RNF38: variants seen among roughly 807,000 people sequenced by gnomAD.
RNF38 encodes the protein ring finger protein 38, also known as E3 ubiquitin-protein ligase RNF38.
RNF38 carries 15 observed loss-of-function variants against 67.2 expected under a neutral mutation model. That is an observed-to-expected ratio of 0.22 (90% CI 0.15 to 0.34). The LOEUF is 0.34. RNF38 is among the 10% of genes least tolerant of loss of function. The probability of loss-of-function intolerance (pLI) is 1.00; values close to 1 mark genes in which losing one functional copy is unlikely to be tolerated. For missense variants in RNF38, 524 were observed against 639.9 expected (o/e 0.82, Z 1.95); for synonymous variants, 220 against 218.8 (o/e 1.01, Z -0.05).
Position 36,422,452 on chromosome 9 carries a change from A to C in RNF38, n.312+2161T>G, listed in dbSNP as rs7048628. Among the ~76,000 whole-genome samples, 975 of 152,224 alleles carry C rather than the reference A, an allele frequency of 6.4e-3. 9 individuals are homozygous for C. Among genetic ancestry groups the C allele is most frequent in the African/African-American group, 0.022 (910 of 41,540 alleles). On this transcript the variant is annotated intron_variant and non_coding_transcript_variant, in intron 2 of 3. Transcript: ENST00000488058. ...AACAAAAAAAAAAAAACAGGAGAGA[A>C]AGAAAGGCTGTAATCTGTAACTTTT...
chr9:36,342,934 T>C (rs903840964), intron 10 of RNF38, among the ~76,000 whole-genome samples: 1 of 152,184 alleles, frequency 6.6e-6, no homozygotes, highest in African/African-American at 2.4e-5. Context: ...GGGGGATTGA[T>C]TTCTAGGACC....
At chr9:36,383,829 GC>G (rs1452532104) in intron 2 of RNF38, among the ~76,000 whole-genome samples, 1 of 150,800 alleles carries the variant, frequency 6.6e-6, no homozygotes, top group Non-Finnish European at 1.5e-5. Context: ...TTAAACCGAA[GC>G]CCAAAGAAAA....
chr9:36,381,080 T>A (rs1397639624), intron 2 of RNF38, among the ~76,000 whole-genome samples: 2 of 152,200 alleles, frequency 1.3e-5, no homozygotes, highest in Admixed American at 1.3e-4. Flanking sequence ...AGTGGGTTTC[T>A]CCCGTGAGAA....
chr9:36,387,517 T>A, intron 2 of RNF38, among the ~76,000 whole-genome samples: 1 of 152,294 alleles, frequency 6.6e-6, no homozygotes, highest in Admixed American at 6.5e-5. Context: ...AAGACAGGGG[T>A]TGACAGCAAA....
chr9:36,361,998 T>C (rs1341296319), intron 4 of RNF38, among the ~76,000 whole-genome samples: 1 of 152,126 alleles, frequency 6.6e-6, no homozygotes, highest in Admixed American at 6.5e-5. Context: ...TAAGATGCCA[T>C]CAATTGCGAG....
At chr9:36,480,110 C>T (rs561963716) in intron 1 of RNF38, among the ~76,000 whole-genome samples, 2 of 152,206 alleles carry the variant, frequency 1.3e-5, no homozygotes, top group African/African-American at 4.8e-5. Flanking sequence ...TCCCGAGTAG[C>T]TGGGCCTACA....
At chr9:36,357,520 T>C (rs930686183) in intron 5 of RNF38, among the ~76,000 whole-genome samples, 2 of 152,206 alleles carry the variant, frequency 1.3e-5, no homozygotes, top group Non-Finnish European at 2.9e-5. Context: ...ATAAGTTAAT[T>C]AATGTAAAAA....
At chr9:36,412,893 T>C (rs945914594) in intron 2 of RNF38, among the ~76,000 whole-genome samples, 1 of 152,072 alleles carries the variant, frequency 6.6e-6, no homozygotes, top group African/African-American at 2.4e-5. Flanking sequence ...ACCAACATGG[T>C]GAAACCCTAT....
Position 36,338,786 on chromosome 9 carries a change from A to G in RNF38, c.*966T>C, listed in dbSNP as rs1428915042. 1 of 152,668 alleles carries G rather than the reference A, an allele frequency of 6.6e-6. No homozygotes were observed. The highest frequency in any genetic ancestry group is 2.4e-5 in the African/African-American group (1 of 41,470). The allele number at this position is 152,668 out of a possible 1,614,324, so 9.5% of individuals were successfully genotyped here. ...AAAAAAAATCACAGGTACTTTCTGT[A>G]AGAAACTTACTGGAAATGTAAAGGA... is the stretch of plus-strand genomic sequence containing the variant. On this transcript the variant is annotated 3_prime_UTR_variant, in exon 12 of 12. Coordinates refer to ENST00000259605, the MANE Select transcript of RNF38 (RefSeq NM_022781.5).
In RNF38 at chr9:36,356,290, T is replaced by TA. The variant is rs1369327217; in HGVS notation, c.909+12dup. On this transcript the variant is annotated intron_variant, in intron 6 of 11. Coordinates refer to ENST00000259605, the MANE Select transcript of RNF38 (RefSeq NM_022781.5). ...AAAACTAAACATTCTGACATAATAG[T>TA]AGAGATACCTACCGATCGTGATTGC... 1.9e-6 allele frequency: 3 copies of TA among 1,613,106 alleles called. No individual in the cohort carries two copies. The East Asian group carries it at 6.7e-5, about 36-fold the overall frequency.
At chr9:36,367,806 A>G (rs1835091848) in intron 4 of RNF38, among the ~76,000 whole-genome samples, 1 of 152,214 alleles carries the variant, frequency 6.6e-6, no homozygotes, top group Non-Finnish European at 1.5e-5. Context: ...GATCTAGAAT[A>G]GTTTAAATTC....
intron 2 of RNF38, among the ~76,000 whole-genome samples, chr9:36,383,804 C>T (rs574349730): frequency 4.2e-4 from 64 of 151,286 alleles, no homozygotes; most frequent in African/African-American, 1.4e-3. Flanking sequence ...TGATACGTGC[C>T]AAGTTTTTTT....
At position 36,369,844 on chromosome 9, in the gene RNF38, A is replaced by T; in HGVS notation, c.445T>A (p.Tyr149Asn). Residue 149 changes from tyrosine to asparagine, a missense_variant, in exon 4 of 12, where the codon TAC (tyrosine) becomes AAC (asparagine). Transcript: ENST00000259605. ...SQDENYHHLP[Y>N]AQQQAIEEPR... ...TCCTCTATTGCTTGCTGCTGTGCGT[A>T]AGGGAGATGGTGATAGTTTTCATCT... is the stretch of plus-strand genomic sequence containing the variant. 2 of 1,613,916 alleles carry T rather than the reference A, an allele frequency of 1.2e-6. No homozygotes were observed. The highest frequency in any genetic ancestry group is 1.7e-6 in the Non-Finnish European group (2 of 1,180,016).
intron 1 of RNF38, among the ~76,000 whole-genome samples, chr9:36,459,099 T>G (rs949141837): frequency 6.6e-6 from 1 of 151,426 alleles, no homozygotes; most frequent in African/African-American, 2.4e-5. Context: ...TCCCAGCTAC[T>G]CAGGAGGCTG....
intron 1 of RNF38, among the ~76,000 whole-genome samples, chr9:36,485,400 G>C (rs1840382421): frequency 6.6e-6 from 1 of 151,632 alleles, no homozygotes; most frequent in African/African-American, 2.4e-5. Flanking sequence ...TACTCTCTAA[G>C]GTGGTTGGAT....
chr9:36,454,703 C>T (rs2134349981), intron 1 of RNF38, among the ~76,000 whole-genome samples: 1 of 151,600 alleles, frequency 6.6e-6, no homozygotes, highest in Admixed American at 6.6e-5. Context: ...CTGCTTCAGC[C>T]TGCTTAGTAG....
intron 2 of RNF38, among the ~76,000 whole-genome samples, chr9:36,378,510 C>G (rs967341504): frequency 2.0e-5 from 3 of 151,980 alleles, no homozygotes; most frequent in Admixed American, 6.6e-5. Flanking sequence ...ATGCTAGTAA[C>G]GAATCATGAT....
intron 1 of RNF38, among the ~76,000 whole-genome samples, chr9:36,477,618 G>A (rs1452444327): frequency 6.6e-6 from 1 of 151,230 alleles, no homozygotes; most frequent in Non-Finnish European, 1.5e-5. Context: ...TCAGGAGATC[G>A]AGACCAACCT....
chr9:36,487,194 G>A (rs1840435971), intron 1 of RNF38: 5 of 680,092 alleles, frequency 7.4e-6, no homozygotes, highest in African/African-American at 3.9e-5. Flanking sequence ...AAGCTGACCC[G>A]GACAACGCTC....
Sources: gnomAD v4.1 joint callset for allele counts (sites outside exome capture counted in the v4.1 genomes callset) on GRCh38, gnomAD v4.1.1 for gene constraint, MANE v1.5 for transcripts, NCBI Gene and HGNC (gene_info 2026-07-23, HGNC 2026-07-21) for gene names.